FAM222A: variants seen among roughly 807,000 people sequenced by gnomAD.
FAM222A encodes protein FAM222A.
In FAM222A, 7 loss-of-function variants were observed where a neutral mutation model predicts 25.8. That is an observed-to-expected ratio of 0.27 (90% CI 0.15 to 0.51). FAM222A has a LOEUF of 0.51. Among genes scored for constraint, FAM222A ranks in the 20% least tolerant of loss-of-function variants. FAM222A has a pLI of 0.97. For missense variants in FAM222A, 573 were observed against 640.5 expected (o/e 0.89, Z 1.14); for synonymous variants, 294 against 298.8 (o/e 0.98, Z 0.17).
At position 109,769,656 on chromosome 12, in the gene FAM222A, G is replaced by C; in HGVS notation, c.*368G>C. Reference sequence around the variant, plus strand: ...CCCAGGCCAAGGTGGGGTGCAGGAGGAAACAGGCGCACCAGAGTCAGGGTG... The same window carrying C: ...CCCAGGCCAAGGTGGGGTGCAGGAGCAAACAGGCGCACCAGAGTCAGGGTG... On this transcript the variant is annotated 3_prime_UTR_variant, in exon 3 of 3. Transcript: ENST00000538780. The C allele has an allele frequency of 3.8e-6, 1 of 263,208 alleles. No homozygotes were observed. The highest frequency in any genetic ancestry group is 5.0e-5 in the Admixed American group (1 of 19,860). 16.3% of individuals were successfully genotyped at this position (263,208 alleles called of 1,614,324 possible).
At chr12:109,744,606 G>A (rs1487408456) in intron 2 of FAM222A, 20 of 985,286 alleles carry the variant, frequency 2.0e-5, no homozygotes, top group African/African-American at 7.0e-5. Flanking sequence ...TGGGGTCCCC[G>A]CTTGAGGCCC....
Position 109,744,197 on chromosome 12 carries a change from C to T in FAM222A, c.51C>T (p.Ala17=), listed in dbSNP as rs1888325364. Reference sequence around the variant, plus strand: ...AGAACGCCCCGGGCCAACACCTGGCCTGCCCGAGCAAGAGCCTGGAGCTGC... The same window carrying T: ...AGAACGCCCCGGGCCAACACCTGGCTTGCCCGAGCAAGAGCCTGGAGCTGC... The part of the protein sequence containing the change: ...RTQNAPGQHL[A]CPSKSLELRK... Residue 17 remains alanine (A), a synonymous_variant, in exon 2 of 3, where the codon GCC becomes GCT. Coordinates refer to ENST00000538780, the MANE Select transcript of FAM222A (RefSeq NM_032829.3). 6.2e-7 allele frequency: 1 copy of T among 1,613,348 alleles called. No individual in the cohort carries two copies. Among genetic ancestry groups the T allele is most frequent in the African/African-American group, 1.3e-5 (1 of 74,936 alleles).
Position 109,714,196 on chromosome 12 carries a change from CCCGCTGCCGCCG to C in FAM222A, c.-743_-732del, listed in dbSNP as rs1887590893. 1 of 209,458 alleles carries C rather than the reference CCCGCTGCCGCCG, an allele frequency of 4.8e-6. No individual in the cohort carries two copies. Among genetic ancestry groups the C allele is most frequent in the Non-Finnish European group, 9.6e-6 (1 of 104,490 alleles). The allele number at this position is 209,458 out of a possible 1,614,324, so 13.0% of individuals were successfully genotyped here. A position where few individuals can be genotyped will look rare whatever the true frequency, so the allele number is the denominator to read the frequency against. On this transcript the variant is annotated 5_prime_UTR_variant, in exon 1 of 3. Transcript: ENST00000538780. This position sits in a 1 kb window ranked among gnomAD's most constrained non-coding sequence, Gnocchi z 4.2. ...CGAGGCTGCATCCGAGCTTGCGTCGCCCGCTGCCGCCGCCGCCGCCGCTGCCGCCGCCGCTGT... is the reference window on the plus strand; with the variant it reads ...CGAGGCTGCATCCGAGCTTGCGTCGCCCGCCGCCGCTGCCGCCGCCGCTGT...
intron 1 of FAM222A, among the ~76,000 whole-genome samples, chr12:109,739,214 G>C (rs1888168535): frequency 6.6e-6 from 1 of 152,236 alleles, no homozygotes; most frequent in African/African-American, 2.4e-5. Flanking sequence ...ATTCTGCCTT[G>C]GGGTCAACCC....
At chr12:109,746,275 G>A (rs572678008) in intron 2 of FAM222A, among the ~76,000 whole-genome samples, 1 of 152,234 alleles carries the variant, frequency 6.6e-6, no homozygotes, top group East Asian at 1.9e-4. Flanking sequence ...GATCACGTGA[G>A]GTCAGGAGTT....
At chr12:109,719,330 G>A (rs1887706563) in intron 1 of FAM222A, among the ~76,000 whole-genome samples, 1 of 152,220 alleles carries the variant, frequency 6.6e-6, no homozygotes. Context: ...GCAGAAGTAT[G>A]AGGTTCATTG....
At chr12:109,764,165 GGCTGCAGTGA>G (rs1040766961) in intron 2 of FAM222A, among the ~76,000 whole-genome samples, 5 of 143,420 alleles carry the variant, frequency 3.5e-5, no homozygotes, top group African/African-American at 1.0e-4. Flanking sequence ...GGGAGGTTGA[GGCTGCAGTGA>G]GCTACGACTG....
At chr12:109,753,197 G>T (rs1173473943) in intron 2 of FAM222A, among the ~76,000 whole-genome samples, 3 of 152,180 alleles carry the variant, frequency 2.0e-5, no homozygotes, top group African/African-American at 7.2e-5. Context: ...CCTCGTCCCT[G>T]TCCAAGGGTC....
At position 109,769,573 on chromosome 12, in the gene FAM222A, GGAGA is replaced by G; in HGVS notation, c.*290_*293del. 2.1e-6 allele frequency: 1 copy of G among 482,134 alleles called. No individual in the cohort carries two copies. The highest frequency in any genetic ancestry group is 3.4e-5 in the East Asian group (1 of 29,032). 29.9% of individuals were successfully genotyped at this position (482,134 alleles called of 1,614,324 possible). ...CCTTTATCTAAGCTGGCAGAGGCAGGGAGAGAGAAACCACTCAAAAACAGGAATG... is the reference window on the plus strand; with the variant it reads ...CCTTTATCTAAGCTGGCAGAGGCAGGGAGAAACCACTCAAAAACAGGAATG... On this transcript the variant is annotated 3_prime_UTR_variant, in exon 3 of 3. Coordinates refer to ENST00000538780, the MANE Select transcript of FAM222A (RefSeq NM_032829.3).
chr12:109,715,493 C>T (rs939608627), intron 1 of FAM222A, among the ~76,000 whole-genome samples: 2 of 152,338 alleles, frequency 1.3e-5, no homozygotes, highest in South Asian at 4.1e-4. Context: ...CGTGGCAACA[C>T]CACTTGCCTT....
chr12:109,721,343 C>T (rs1887741417), intron 1 of FAM222A, among the ~76,000 whole-genome samples: 1 of 152,230 alleles, frequency 6.6e-6, no homozygotes, highest in South Asian at 2.1e-4. Context: ...CGACCTTCAG[C>T]AGGTCACCTT....
At chr12:109,758,790 C>A (rs1478907792) in intron 2 of FAM222A, among the ~76,000 whole-genome samples, 1 of 152,180 alleles carries the variant, frequency 6.6e-6, no homozygotes, top group East Asian at 1.9e-4. Context: ...GCTGCTCCCC[C>A]TGGCGAGCTG....
intron 1 of FAM222A, among the ~76,000 whole-genome samples, chr12:109,718,720 C>G (rs931792424): frequency 2.6e-5 from 4 of 152,238 alleles, no homozygotes; most frequent in African/African-American, 9.6e-5. Flanking sequence ...GCCCGCCGCC[C>G]TGATTGGTTG....
chr12:109,724,036 C>T (rs1001226353), intron 1 of FAM222A, among the ~76,000 whole-genome samples: 1 of 152,194 alleles, frequency 6.6e-6, no homozygotes, highest in Non-Finnish European at 1.5e-5. Flanking sequence ...TGGGACCCAT[C>T]CCCGGGGGCT....
At chr12:109,767,985 G>C (rs938173456) in intron 2 of FAM222A, 27 bp from the exon 3 acceptor site, 1 of 1,600,682 alleles carries the variant, frequency 6.2e-7, no homozygotes, top group Non-Finnish European at 8.5e-7. Context: ...CTCCTGATGG[G>C]CCCTCACACC....
chr12:109,765,722 A>G (rs1345719597), intron 2 of FAM222A, among the ~76,000 whole-genome samples: 4 of 152,220 alleles, frequency 2.6e-5, no homozygotes, highest in Non-Finnish European at 4.4e-5. Context: ...AGGTTGGGAC[A>G]TGGCCAGCAG....
At chr12:109,759,080 G>A (rs1888814599) in intron 2 of FAM222A, among the ~76,000 whole-genome samples, 1 of 152,188 alleles carries the variant, frequency 6.6e-6, no homozygotes, top group Non-Finnish European at 1.5e-5. Flanking sequence ...GGTATGCCCA[G>A]TGAAGCAGTA....
chr12:109,743,979 G>A, intron 1 of FAM222A, 122 bp from the exon 2 acceptor site: 1 of 1,417,484 alleles, frequency 7.1e-7, no homozygotes, highest in Non-Finnish European at 9.2e-7. Flanking sequence ...TAAGGGAAAT[G>A]GGTGTCTGCT....
At chr12:109,741,225 T>G (rs1310650018) in intron 1 of FAM222A, among the ~76,000 whole-genome samples, 1 of 152,146 alleles carries the variant, frequency 6.6e-6, no homozygotes, top group Non-Finnish European at 1.5e-5. Flanking sequence ...ACAGGGTTCC[T>G]GGGAGAATGG....
Sources: gnomAD v4.1 joint callset for allele counts (sites outside exome capture counted in the v4.1 genomes callset) on GRCh38, gnomAD v4.1.1 for gene constraint, Gnocchi (gnomAD v3.1) non-coding constraint, MANE v1.5 for transcripts, NCBI Gene and HGNC (gene_info 2026-07-23, HGNC 2026-07-21) for gene names.